GLDC: variants seen among roughly 807,000 people sequenced by gnomAD.
GLDC encodes glycine decarboxylase, also known as glycine dehydrogenase (decarboxylating), mitochondrial.
GLDC carries 104 observed loss-of-function variants against 121.3 expected under a neutral mutation model. The observed-to-expected ratio is 0.86, with a 90% CI of 0.73 to 1.01. GLDC has a LOEUF of 1.01. Among genes scored for constraint, GLDC ranks in the 50% least tolerant of loss-of-function variants. The pLI is 0.00. For missense variants in GLDC, 1,429 were observed against 1,306.6 expected (o/e 1.09, Z -1.44); for synonymous variants, 546 against 480.6 (o/e 1.14, Z -1.78).
chr9:6,549,942 C>T (rs1817476585), intron 21 of GLDC, among the ~76,000 whole-genome samples: 1 of 152,216 alleles, frequency 6.6e-6, no homozygotes, highest in Non-Finnish European at 1.5e-5. Flanking sequence ...CCAGAGCCTT[C>T]CAAGGCCTTC....
chr9:6,534,939 A>G (rs1817091115), intron 23 of GLDC, 151 bp from the exon 24 acceptor site: 2 of 663,748 alleles, frequency 3.0e-6, no homozygotes, highest in Non-Finnish European at 5.6e-6. Context: ...GTGATTTATA[A>G]TTGTGAAATA....
At chr9:6,556,440 A>G in intron 17 of GLDC, 138 bp from the exon 18 acceptor site, 2 of 701,858 alleles carry the variant, frequency 2.8e-6, no homozygotes, top group Non-Finnish European at 5.0e-6. Flanking sequence ...TCAAAGTACA[A>G]TGACAGCAAT....
chr9:6,645,461 G>C lies in GLDC; in HGVS notation c.39C>G (p.Gly13=). 1 of 1,249,344 alleles carries C rather than the reference G, an allele frequency of 8.0e-7. No individual in the cohort carries two copies. The highest frequency in any genetic ancestry group is 1.0e-6 in the Non-Finnish European group (1 of 1,003,056). 77.4% of individuals were successfully genotyped at this position (1,249,344 alleles called of 1,614,324 possible). Residue 13 remains glycine (G), a synonymous_variant, in exon 1 of 25, where the codon GGC becomes GGG. Coordinates refer to ENST00000321612, the MANE Select transcript of GLDC (RefSeq NM_000170.3). ...GGCGGCGGCCGCCCCCGACCCCGCG[G>C]CCCAGGCGCAGCCCCCACGCCCTGG... The part of the protein sequence containing the change: ...SCARAWGLRL[G]RGVGGGRRLA...
chr9:6,608,512 G>A (rs990561460), intron 4 of GLDC, among the ~76,000 whole-genome samples: 5 of 150,672 alleles, frequency 3.3e-5, no homozygotes, highest in African/African-American at 4.9e-5. Context: ...AGGCCGAGGC[G>A]GGCGGATCAT....
At chr9:6,545,452 A>C (rs1817368368) in intron 21 of GLDC, among the ~76,000 whole-genome samples, 1 of 152,184 alleles carries the variant, frequency 6.6e-6, no homozygotes, top group Non-Finnish European at 1.5e-5. Flanking sequence ...TGTGTAGGGC[A>C]CTTACCATGA....
At chr9:6,535,517 C>T (rs939832896) in intron 23 of GLDC, among the ~76,000 whole-genome samples, 1 of 151,998 alleles carries the variant, frequency 6.6e-6, no homozygotes, top group African/African-American at 2.4e-5. Flanking sequence ...GAAGACACAA[C>T]CACAGCCTTC....
intron 8 of GLDC, among the ~76,000 whole-genome samples, chr9:6,598,669 A>G (rs1026870598): frequency 6.6e-6 from 1 of 152,248 alleles, no homozygotes; most frequent in Non-Finnish European, 1.5e-5. Flanking sequence ...AGTTATGAGT[A>G]ATTCTTGTAT....
chr9:6,584,507 G>A (rs1379178891), intron 15 of GLDC, among the ~76,000 whole-genome samples: 1 of 152,144 alleles, frequency 6.6e-6, no homozygotes, highest in Non-Finnish European at 1.5e-5. Flanking sequence ...CTTGTGCAGA[G>A]ATTAGCACAA....
intron 7 of GLDC, 41 bp downstream of exon 7, chr9:6,604,547 T>C (rs893006928): frequency 1.3e-6 from 2 of 1,531,432 alleles, no homozygotes; most frequent in African/African-American, 2.7e-5. Context: ...ATCAGGGAAA[T>C]CATAATCACA....
chr9:6,588,577 G>C (rs768504558), intron 13 of GLDC, 41 bp downstream of exon 13: 6 of 1,501,914 alleles, frequency 4.0e-6, no homozygotes, highest in South Asian at 3.4e-5. Context: ...ACGTGGGATT[G>C]GGGTAGCTTG....
intron 2 of GLDC, among the ~76,000 whole-genome samples, chr9:6,644,050 A>AAAAAAACAAAAAAAAAAC (rs55988287): frequency 1.1e-5 from 1 of 92,702 alleles, no homozygotes; most frequent in East Asian, 4.0e-4. Flanking sequence ...AAAAAAAAAA[A>AAAAAAACAAAAAAAAAAC]CGAAAAAAAA....
chr9:6,552,348 T>C (rs1817534134), intron 20 of GLDC, among the ~76,000 whole-genome samples: 1 of 152,176 alleles, frequency 6.6e-6, no homozygotes, highest in Non-Finnish European at 1.5e-5. Flanking sequence ...AATATGTTCA[T>C]ACAAATAACC....
At chr9:6,545,893 A>C (rs1005491046) in intron 21 of GLDC, among the ~76,000 whole-genome samples, 1 of 152,142 alleles carries the variant, frequency 6.6e-6, no homozygotes, top group African/African-American at 2.4e-5. Flanking sequence ...TGCCCGCCTC[A>C]GCCTTCCAAA....
At position 6,607,568 on chromosome 9, in the gene GLDC, C is replaced by T. The variant is rs1001022700; in HGVS notation, c.636-899G>A. ...CTGCACTCCAGCCTAGGCCACAGAG[C>T]GAGACTCTGTCTTAAATAAATAAAT... is the stretch of plus-strand genomic sequence containing the variant. On this transcript the variant is annotated intron_variant, in intron 4 of 24. Transcript: ENST00000321612. Among the ~76,000 whole-genome samples the T allele has an allele frequency of 3.3e-5, 5 of 151,840 alleles. No individual in the cohort carries two copies. The East Asian group carries it at 5.8e-4, about 18-fold the overall frequency.
intron 2 of GLDC, among the ~76,000 whole-genome samples, chr9:6,643,369 C>T (rs906040161): frequency 1.3e-5 from 2 of 151,232 alleles, no homozygotes; most frequent in Non-Finnish European, 2.9e-5. Flanking sequence ...AGCAGATAGG[C>T]TCCATACCTC....
chr9:6,554,022 G>C (rs118135290), intron 19 of GLDC, among the ~76,000 whole-genome samples: 1 of 152,038 alleles, frequency 6.6e-6, no homozygotes, highest in Non-Finnish European at 1.5e-5. Flanking sequence ...AAAAAAGTAA[G>C]AAGGCCAAGC....
At chr9:6,583,200 A>T (rs1818205759) in intron 15 of GLDC, among the ~76,000 whole-genome samples, 1 of 151,864 alleles carries the variant, frequency 6.6e-6, no homozygotes, top group Non-Finnish European at 1.5e-5. Context: ...ATATCCAAAA[A>T]CTCCACTTCT....
chr9:6,620,988 T>C (rs1819081322), intron 2 of GLDC, among the ~76,000 whole-genome samples: 1 of 151,910 alleles, frequency 6.6e-6, no homozygotes, highest in Non-Finnish European at 1.5e-5. Flanking sequence ...GGCAAGGCGG[T>C]GAAACCCCGT....
At chr9:6,566,790 C>A (rs938256514) in intron 15 of GLDC, among the ~76,000 whole-genome samples, 1 of 152,140 alleles carries the variant, frequency 6.6e-6, no homozygotes, top group African/African-American at 2.4e-5. Flanking sequence ...AAACTTTAAA[C>A]AAATGAAAAT....
Sources: allele counts gnomAD v4.1 joint callset (sites outside exome capture counted in the v4.1 genomes callset), GRCh38; gene constraint gnomAD v4.1.1; transcripts MANE v1.5; gene names NCBI Gene and HGNC (gene_info 2026-07-23, HGNC 2026-07-21).